Variants in ZNF407 observed in about 807,000 individuals in gnomAD.
ZNF407 encodes zinc finger protein 407.
ZNF407 carries 17 observed loss-of-function variants against 131.2 expected under a neutral mutation model. The observed-to-expected ratio is 0.13, with a 90% confidence interval of 0.09 to 0.19. ZNF407 has a LOEUF of 0.19. ZNF407 is among the 10% of genes least tolerant of loss of function. The pLI is 1.00. For synonymous variants in ZNF407, 1,156 were observed against 1,062.0 expected, an observed-to-expected ratio of 1.09 and a Z score of -1.72; for missense variants, 2,681 against 2,830.6, an observed-to-expected ratio of 0.95 and a Z score of 1.20.
intron 4 of ZNF407, among the ~76,000 whole-genome samples, chr18:74,854,598 A>C (rs933878390): frequency 6.6e-6 from 1 of 152,190 alleles, no homozygotes; most frequent in Non-Finnish European, 1.5e-5. Flanking sequence ...GTTTTTGAAA[A>C]ATAATCTCCC....
chr18:74,765,518 A>G (rs978504173), intron 3 of ZNF407, among the ~76,000 whole-genome samples: 4 of 152,206 alleles, frequency 2.6e-5, no homozygotes, highest in African/African-American at 9.6e-5. Context: ...TACTTCTGAG[A>G]CAGAACTTGC....
intron 4 of ZNF407, among the ~76,000 whole-genome samples, chr18:74,801,588 A>T (rs1970020303): frequency 1.3e-5 from 2 of 152,334 alleles, no homozygotes; most frequent in Non-Finnish European, 2.9e-5. Flanking sequence ...ATAGGTATCT[A>T]CTTATCCCAC....
intron 8 of ZNF407, chr18:74,920,894 A>G: frequency 3.2e-6 from 4 of 1,234,090 alleles, no homozygotes; most frequent in Non-Finnish European, 3.0e-6. Flanking sequence ...GTATTTTATC[A>G]AAAAAGGAAA....
At chr18:74,800,927 A>T (rs1365018971) in intron 4 of ZNF407, among the ~76,000 whole-genome samples, 1 of 152,104 alleles carries the variant, frequency 6.6e-6, no homozygotes, top group Non-Finnish European at 1.5e-5. Context: ...TGTAACTCAA[A>T]CATAGCTTGT....
intron 8 of ZNF407, among the ~76,000 whole-genome samples, chr18:75,023,396 A>G (rs528734700): frequency 6.6e-6 from 1 of 152,174 alleles, no homozygotes; most frequent in Non-Finnish European, 1.5e-5. Flanking sequence ...ATTATTATAA[A>G]CTGGTATTAG....
Position 74,923,854 on chromosome 18 carries a change from C to T in ZNF407, c.5428+3162C>T, listed in dbSNP as rs374706974. On this transcript the variant is annotated intron_variant, in intron 8 of 8. Coordinates refer to ENST00000299687, the MANE Select transcript of ZNF407 (RefSeq NM_017757.3). ...GTTGCATTTTGTTTATCTGCTGGGG[C>T]AGTTTTTATCTTTTACATTAAATAT... 7.2e-5 allele frequency among the ~76,000 whole-genome samples: 11 copies of T among 152,132 alleles called. No homozygotes were observed. The East Asian group carries it at 1.9e-3, about 27-fold the overall frequency.
intron 5 of ZNF407, among the ~76,000 whole-genome samples, chr18:74,880,117 T>C (rs531561045): frequency 6.6e-6 from 1 of 152,348 alleles, no homozygotes; most frequent in South Asian, 2.1e-4. Flanking sequence ...ACTGAATCTC[T>C]CGAAGGTTAG....
At chr18:74,646,345 T>C (rs896290909) in intron 3 of ZNF407, among the ~76,000 whole-genome samples, 4 of 152,214 alleles carry the variant, frequency 2.6e-5, no homozygotes, top group African/African-American at 9.6e-5. Flanking sequence ...AGATAGGAAA[T>C]GTTTATTCTA....
In ZNF407 at chr18:74,659,986, C is replaced by T. The variant is rs76331782; in HGVS notation, c.4802+18864C>T. 6.5e-3 allele frequency among the ~76,000 whole-genome samples: 983 copies of T among 151,980 alleles called. 16 individuals carry two copies. Among genetic ancestry groups the T allele is most frequent in the African/African-American group, 0.023 (937 of 41,464 alleles). ...GGGCAAAACAATGATGCTTTGAGGACGTAATTAAAGATATTGTTCAAAGAA... is the reference window on the plus strand; with the variant it reads ...GGGCAAAACAATGATGCTTTGAGGATGTAATTAAAGATATTGTTCAAAGAA... On this transcript the variant is annotated intron_variant, in intron 3 of 8. Transcript: ENST00000299687.
chr18:74,995,789 T>C (rs1388194724), intron 8 of ZNF407, among the ~76,000 whole-genome samples: 3 of 152,212 alleles, frequency 2.0e-5, no homozygotes, highest in Non-Finnish European at 4.4e-5. Context: ...GAGGGACTTG[T>C]GCTTGGCTCT....
intron 3 of ZNF407, among the ~76,000 whole-genome samples, chr18:74,734,250 A>G (rs1968359109): frequency 6.6e-6 from 1 of 152,196 alleles, no homozygotes; most frequent in Non-Finnish European, 1.5e-5. Context: ...CACCATGGAT[A>G]CAAACACTTT....
rs371269762 is a variant in ZNF407 at position 74,623,866 on chromosome 18, GTGTT to G, written c.-53-7098_-53-7095del. 1.1e-3 allele frequency among the ~76,000 whole-genome samples: 164 copies of G among 152,236 alleles called. 1 individual carries two copies. The highest frequency in any genetic ancestry group is 5.0e-3 in the South Asian group (24 of 4,810). On this transcript the variant is annotated intron_variant, in intron 1 of 8. Transcript: ENST00000299687. Reference sequence around the variant, plus strand: ...TGACAGTCAAGGAACAACTGCTTGAGTGTTTGGGTAAGATGGATACTTGGGGAAT... The same window carrying G: ...TGACAGTCAAGGAACAACTGCTTGAGTGGGTAAGATGGATACTTGGGGAAT...
chr18:74,914,593 G>T (rs747984648), intron 7 of ZNF407, among the ~76,000 whole-genome samples: 36 of 152,160 alleles, frequency 2.4e-4, no homozygotes, highest in Non-Finnish European at 4.7e-4. Context: ...TCAGTCCTTT[G>T]GTAGTTTGCT....
At chr18:74,800,038 A>G (rs891723564) in intron 4 of ZNF407, among the ~76,000 whole-genome samples, 2 of 151,718 alleles carry the variant, frequency 1.3e-5, no homozygotes, top group African/African-American at 4.8e-5. Context: ...CTGGCTTTCA[A>G]TAACTTGAAT....
chr18:74,876,356 G>C (rs1971155832), intron 4 of ZNF407, among the ~76,000 whole-genome samples: 1 of 152,176 alleles, frequency 6.6e-6, no homozygotes, highest in South Asian at 2.1e-4. Context: ...TTAGTTACAG[G>C]GATTGTTTTA....
chr18:74,633,238 A>T lies in ZNF407; in HGVS notation c.2219A>T (p.Asn740Ile). 1 of 1,613,856 alleles carries T rather than the reference A, an allele frequency of 6.2e-7. No individual in the cohort carries two copies. The highest frequency in any genetic ancestry group is 8.5e-7 in the Non-Finnish European group (1 of 1,179,856). ...QDYHFLCKAC[N>I]LYSLSKEGME... is the part of the protein sequence containing the mutation. ...TATCATTTTCTTTGTAAAGCTTGTA[A>T]TCTTTATTCATTGAGCAAAGAAGGA... Residue 740 changes from asparagine to isoleucine, a missense_variant, in exon 2 of 9, where the codon AAT becomes ATT. Asn to Ile is a moderately radical substitution (Grantham distance 149). Around this residue, in one of 6 missense-constraint regions of ZNF407, gnomAD observed 1,789 missense variants for 1,748.7 expected, o/e 1.02. Transcript: ENST00000299687.
chr18:74,972,778 T>C (rs749803119), intron 8 of ZNF407, among the ~76,000 whole-genome samples: 132 of 152,122 alleles, frequency 8.7e-4, no homozygotes, highest in Middle Eastern at 3.2e-3. Context: ...AAAAAAAATG[T>C]ATGTTAGTAT....
chr18:74,746,639 A>G (rs1169078216), intron 3 of ZNF407, among the ~76,000 whole-genome samples: 4 of 152,116 alleles, frequency 2.6e-5, no homozygotes, highest in Non-Finnish European at 4.4e-5. Flanking sequence ...AAGGATGATC[A>G]GTATCCCCAT....
intron 3 of ZNF407, among the ~76,000 whole-genome samples, chr18:74,763,810 C>G (rs1019798443): frequency 6.7e-6 from 1 of 148,768 alleles, no homozygotes; most frequent in Admixed American, 6.7e-5. Flanking sequence ...CCCGGGTTCA[C>G]GCCATTCTCC....
Sources: allele counts gnomAD v4.1 joint callset (sites outside exome capture counted in the v4.1 genomes callset), GRCh38; gene constraint gnomAD v4.1.1; regional missense constraint gnomAD v4.1.1; transcripts MANE v1.5; gene names NCBI Gene and HGNC (gene_info 2026-07-23, HGNC 2026-07-21).